Variants in FGGY observed in about 807,000 individuals in gnomAD.
FGGY encodes FGGY carbohydrate kinase domain-containing protein.
A neutral mutation model predicts 71.3 loss-of-function variants in FGGY; 72 were observed. The ratio of observed to expected loss-of-function variants is 1.01; its 90% CI spans 0.84 to 1.23. FGGY has a LOEUF of 1.23. Ranked by LOEUF, FGGY falls within the 50% of genes most tolerant of loss-of-function variation. The probability of loss-of-function intolerance (pLI) is 0.00; values close to 1 mark genes in which losing one functional copy is unlikely to be tolerated. For synonymous variants in FGGY, 251 were observed against 250.3 expected (o/e 1.00, Z -0.02); for missense variants, 668 against 682.3 (o/e 0.98, Z 0.23).
chr1:59,526,766 G>A (rs1219617741), intron 7 of FGGY, among the ~76,000 whole-genome samples: 1 of 152,230 alleles, frequency 6.6e-6, no homozygotes, highest in African/African-American at 2.4e-5. Context: ...GCGAGAGGCA[G>A]CCGGGAAGAC....
At chr1:59,675,290 AT>A (rs1448940314) in intron 14 of FGGY, among the ~76,000 whole-genome samples, 1 of 152,174 alleles carries the variant, frequency 6.6e-6, no homozygotes, top group African/African-American at 2.4e-5. Context: ...TGAACCTCTT[AT>A]GTTCCAGACA....
chr1:59,334,610 T>C (rs1177120505), intron 2 of FGGY, among the ~76,000 whole-genome samples: 1 of 152,220 alleles, frequency 6.6e-6, no homozygotes, highest in Non-Finnish European at 1.5e-5. Context: ...TTTTTGGACA[T>C]TTCTCATAAT....
intron 11 of FGGY, among the ~76,000 whole-genome samples, chr1:59,659,012 A>T (rs2153955696): frequency 1.3e-5 from 2 of 152,296 alleles, no homozygotes; most frequent in East Asian, 3.9e-4. Context: ...ATATGAGGTC[A>T]GGAGTTTGAG....
At chr1:59,371,449 T>A (rs557838932) in intron 4 of FGGY, among the ~76,000 whole-genome samples, 1 of 152,064 alleles carries the variant, frequency 6.6e-6, no homozygotes, top group South Asian at 2.1e-4. Flanking sequence ...CTCCCACACA[T>A]TAATAATGGG....
intron 6 of FGGY, among the ~76,000 whole-genome samples, chr1:59,458,293 G>A (rs921186212): frequency 1.3e-5 from 2 of 152,158 alleles, no homozygotes; most frequent in African/African-American, 4.8e-5. Context: ...ACTGTGAGCT[G>A]TTTGACATAA....
chr1:59,712,405 C>T (rs959174684), intron 14 of FGGY, among the ~76,000 whole-genome samples: 1 of 152,160 alleles, frequency 6.6e-6, no homozygotes, highest in African/African-American at 2.4e-5. Context: ...ATCTGGAGGT[C>T]GGTGGCCCTC....
At chr1:59,577,609 A>T (rs1448273490) in intron 8 of FGGY, among the ~76,000 whole-genome samples, 1 of 152,166 alleles carries the variant, frequency 6.6e-6, no homozygotes, top group African/African-American at 2.4e-5. Flanking sequence ...ATTTGGATTT[A>T]TTGGTGAATA....
chr1:59,673,119 C>CCTA (rs1288237573), intron 13 of FGGY, among the ~76,000 whole-genome samples: 2 of 152,118 alleles, frequency 1.3e-5, no homozygotes, highest in African/African-American at 4.8e-5. Context: ...AAACAGAGTC[C>CCTA]CTACCCTCAA....
chr1:59,608,631 A>G (rs1254452018), intron 9 of FGGY, among the ~76,000 whole-genome samples: 1 of 152,122 alleles, frequency 6.6e-6, no homozygotes, highest in Non-Finnish European at 1.5e-5. Flanking sequence ...TCTGAAGCTC[A>G]AGGACAGCCT....
chr1:59,635,913 G>A (rs2096954249), intron 10 of FGGY, among the ~76,000 whole-genome samples: 1 of 152,152 alleles, frequency 6.6e-6, no homozygotes, highest in African/African-American at 2.4e-5. Context: ...AAGGAGAAGG[G>A]TTTAAAGCTG....
At chr1:59,701,511 T>G (rs2097709495) in intron 14 of FGGY, among the ~76,000 whole-genome samples, 1 of 152,078 alleles carries the variant, frequency 6.6e-6, no homozygotes, top group African/African-American at 2.4e-5. Context: ...TGGATAAAAT[T>G]CCAAGCAAGA....
chr1:59,734,921 A>G lies in FGGY; in HGVS notation c.1513-23010A>G, dbSNP rs564301400. Among the ~76,000 whole-genome samples, 4 of 152,348 alleles carry G rather than the reference A, an allele frequency of 2.6e-5. 1 individual carries two copies. In the South Asian group the frequency reaches 8.3e-4, roughly 32 times the overall value. On this transcript the variant is annotated intron_variant, in intron 14 of 15. Transcript: ENST00000303721. ...GCTCTGTCCTTGCCTCTAATGTGAC[A>G]GATTATTTTGTAATTACCTGGCAGA...
chr1:59,502,733 C>G (rs1041574381), intron 6 of FGGY, among the ~76,000 whole-genome samples: 4 of 152,146 alleles, frequency 2.6e-5, no homozygotes, highest in African/African-American at 9.7e-5. Context: ...AGACTCTGCT[C>G]CCACAACTGG....
intron 11 of FGGY, among the ~76,000 whole-genome samples, chr1:59,654,547 T>C (rs1316522365): frequency 6.6e-6 from 1 of 152,246 alleles, no homozygotes; most frequent in Non-Finnish European, 1.5e-5. Flanking sequence ...AGCCTTTTTT[T>C]TCTTGCTAAT....
intron 2 of FGGY, among the ~76,000 whole-genome samples, chr1:59,328,637 C>G (rs562958528): frequency 6.8e-4 from 104 of 152,274 alleles, no homozygotes; most frequent in Admixed American, 8.5e-4. Context: ...TGCAAGAGGC[C>G]TATCTTTTTG....
intron 14 of FGGY, among the ~76,000 whole-genome samples, chr1:59,733,456 G>GTTTT (rs1206243455): frequency 3.8e-4 from 45 of 118,596 alleles, no homozygotes; most frequent in South Asian, 3.2e-3. Flanking sequence ...GTTTTGTTTT[G>GTTTT]TTTTGTTTTT....
chr1:59,573,639 G>A (rs527719997), intron 8 of FGGY, among the ~76,000 whole-genome samples: 2 of 152,186 alleles, frequency 1.3e-5, no homozygotes, highest in African/African-American at 4.8e-5. Context: ...TTTTAAAAGT[G>A]TTTTTTAATA....
At chr1:59,458,510 T>G (rs1021723787) in intron 6 of FGGY, among the ~76,000 whole-genome samples, 1 of 152,238 alleles carries the variant, frequency 6.6e-6, no homozygotes, top group African/African-American at 2.4e-5. Flanking sequence ...TTTCTGATTA[T>G]TTTTATATTT....
chr1:59,698,192 T>C (rs112442767), intron 14 of FGGY, among the ~76,000 whole-genome samples: 26 of 152,294 alleles, frequency 1.7e-4, no homozygotes, highest in African/African-American at 6.3e-4. Context: ...CCAAAGATTA[T>C]TAGGGAACCT....
Sources: allele counts gnomAD v4.1 joint callset (sites outside exome capture counted in the v4.1 genomes callset), GRCh38; gene constraint gnomAD v4.1.1; transcripts MANE v1.5; gene names NCBI Gene and HGNC (gene_info 2026-07-23, HGNC 2026-07-21).